Variants in RNLS observed in about 807,000 individuals in gnomAD.
RNLS encodes renalase.
Under a neutral mutation model 39.8 loss-of-function variants are expected in RNLS, and 39 were observed. The ratio of observed to expected loss-of-function variants is 0.98; its 90% CI spans 0.76 to 1.28. The LOEUF (loss-of-function observed/expected upper bound fraction) is 1.28. Ranked by LOEUF, RNLS falls within the 50% of genes most tolerant of loss-of-function variation. The probability of loss-of-function intolerance (pLI) is 0.00; values close to 1 mark genes in which losing one functional copy is unlikely to be tolerated. For synonymous variants in RNLS, 147 were observed against 150.7 expected (o/e 0.98, Z 0.18); for missense variants, 410 against 413.3 (o/e 0.99, Z 0.07).
chr10:88,390,760 T>C (rs1852149214), intron 4 of RNLS, among the ~76,000 whole-genome samples: 1 of 152,186 alleles, frequency 6.6e-6, no homozygotes, highest in Non-Finnish European at 1.5e-5. Context: ...TAAATTATTA[T>C]GGGACTGTTA....
intron 5 of RNLS, among the ~76,000 whole-genome samples, chr10:88,346,747 C>A (rs1848333709): frequency 6.6e-6 from 1 of 152,092 alleles, no homozygotes; most frequent in African/African-American, 2.4e-5. Flanking sequence ...TCCTATTATG[C>A]CGTGATGTTA....
chr10:88,423,853 A>T (rs1185557621), intron 4 of RNLS, among the ~76,000 whole-genome samples: 2 of 152,194 alleles, frequency 1.3e-5, no homozygotes, highest in Non-Finnish European at 2.9e-5. Context: ...AAATACTCTC[A>T]GCAATCCACT....
intron 5 of RNLS, among the ~76,000 whole-genome samples, chr10:88,355,513 G>C (rs1200469415): frequency 1.3e-5 from 2 of 152,206 alleles, no homozygotes; most frequent in Non-Finnish European, 2.9e-5. Context: ...AGCAGTGGAG[G>C]CTGCAGAACA....
chr10:88,479,070 T>C (rs149265157), intron 4 of RNLS, among the ~76,000 whole-genome samples: 4 of 152,270 alleles, frequency 2.6e-5, no homozygotes, highest in African/African-American at 7.2e-5. Flanking sequence ...AATGAACATA[T>C]AGTGATCAAC....
chr10:88,210,934 G>A, the RNLS span, among the ~76,000 whole-genome samples: 2 of 152,096 alleles, frequency 1.3e-5, no homozygotes, highest in Non-Finnish European at 2.9e-5. Flanking sequence ...CCTATGTGTG[G>A]TTTTGAGGAT....
At chr10:88,179,018 C>T in the RNLS span, among the ~76,000 whole-genome samples, 1 of 152,124 alleles carries the variant, frequency 6.6e-6, no homozygotes, top group African/African-American at 2.4e-5. Flanking sequence ...AACAGACACA[C>T]TTCAGCCTGG....
chr10:88,390,334 CTTT>C (rs1214852613), intron 4 of RNLS, among the ~76,000 whole-genome samples: 1 of 152,192 alleles, frequency 6.6e-6, no homozygotes, highest in Non-Finnish European at 1.5e-5. Context: ...CAAGGCCCTT[CTTT>C]GAGGACCTAA....
intron 4 of RNLS, among the ~76,000 whole-genome samples, chr10:88,479,592 C>T (rs1322330205): frequency 3.3e-5 from 5 of 152,066 alleles, no homozygotes; most frequent in Non-Finnish European, 7.4e-5. Flanking sequence ...TTGGATTTGT[C>T]TAAGCAAAGA....
chr10:88,251,782 A>G, the RNLS span, among the ~76,000 whole-genome samples: 8 of 152,328 alleles, frequency 5.3e-5, 1 homozygote, highest in South Asian at 6.2e-4. Flanking sequence ...ATGTTCATGG[A>G]ACTGAAACCT....
downstream of RNLS, among the ~76,000 whole-genome samples, chr10:88,270,772 A>G (rs1172385177): frequency 6.6e-6 from 1 of 152,224 alleles, no homozygotes; most frequent in Non-Finnish European, 1.5e-5. Context: ...TCACCACCGG[A>G]CAAGAGATAC....
At chr10:88,213,068 C>A in the RNLS span, among the ~76,000 whole-genome samples, 2 of 152,134 alleles carry the variant, frequency 1.3e-5, no homozygotes, top group African/African-American at 2.4e-5. Context: ...TGCATTCTAC[C>A]CTGCCAGGAA....
At chr10:88,437,762 A>G (rs1435926814) in intron 4 of RNLS, among the ~76,000 whole-genome samples, 1 of 152,112 alleles carries the variant, frequency 6.6e-6, no homozygotes, top group Non-Finnish European at 1.5e-5. Context: ...CCCAAGGTCC[A>G]ATCCTACCCA....
At chr10:88,241,636 CA>C in the RNLS span, among the ~76,000 whole-genome samples, 2 of 152,168 alleles carry the variant, frequency 1.3e-5, no homozygotes, top group Non-Finnish European at 2.9e-5. Context: ...GACACCACCA[CA>C]AGAGTAATTT....
At chr10:88,332,605 A>C (rs1384752105) in intron 5 of RNLS, among the ~76,000 whole-genome samples, 1 of 152,212 alleles carries the variant, frequency 6.6e-6, no homozygotes, top group Non-Finnish European at 1.5e-5. Flanking sequence ...GTGATAGGAG[A>C]AGGTAATTGG....
chr10:88,430,182 T>C (rs1010384417), intron 4 of RNLS, among the ~76,000 whole-genome samples: 4 of 151,908 alleles, frequency 2.6e-5, no homozygotes, highest in Non-Finnish European at 5.9e-5. Context: ...CTTTCAGTAA[T>C]GTTTTATAGT....
intron 4 of RNLS, among the ~76,000 whole-genome samples, chr10:88,482,526 T>C (rs1844248577): frequency 6.6e-6 from 1 of 152,144 alleles, no homozygotes; most frequent in Admixed American, 6.6e-5. Flanking sequence ...TATCCCCTCA[T>C]TGAGATTTAT....
At chr10:88,423,176 C>T (rs757033768) in intron 4 of RNLS, among the ~76,000 whole-genome samples, 20 of 152,184 alleles carry the variant, frequency 1.3e-4, no homozygotes, top group Non-Finnish European at 2.1e-4. Flanking sequence ...CCAAACCATC[C>T]TACATGAAAT....
At chr10:88,354,783 T>C (rs1416433909) in intron 5 of RNLS, among the ~76,000 whole-genome samples, 1 of 152,240 alleles carries the variant, frequency 6.6e-6, no homozygotes, top group Non-Finnish European at 1.5e-5. Context: ...TTCAGGAAAT[T>C]CTCTGGATAA....
chr10:88,228,601 G>A, the RNLS span, among the ~76,000 whole-genome samples: 95 of 152,226 alleles, frequency 6.2e-4, no homozygotes, highest in African/African-American at 2.2e-3. Context: ...CTACTTCTTC[G>A]GTGTCCACCA....
Sources: gnomAD v4.1 joint callset for allele counts (sites outside exome capture counted in the v4.1 genomes callset) on GRCh38, gnomAD v4.1.1 for gene constraint, MANE v1.5 for transcripts, NCBI Gene and HGNC (gene_info 2026-07-23, HGNC 2026-07-21) for gene names.